DICER1: variants seen among roughly 807,000 people sequenced by gnomAD.
The protein encoded by DICER1 is dicer 1, ribonuclease III.
Under a neutral mutation model 194.1 loss-of-function variants are expected in DICER1, and 43 were observed. The ratio of observed to expected loss-of-function variants is 0.22; its 90% CI spans 0.17 to 0.29. DICER1 has a LOEUF of 0.29. DICER1 is among the 10% of genes least tolerant of loss of function. The probability of loss-of-function intolerance (pLI) is 1.00; values close to 1 mark genes in which losing one functional copy is unlikely to be tolerated. For missense variants in DICER1, 1,608 were observed against 2,317.0 expected, an observed-to-expected ratio of 0.69 and a Z score of 6.28; for synonymous variants, 832 against 820.5, an observed-to-expected ratio of 1.01 and a Z score of -0.24.
intron 1 of DICER1, among the ~76,000 whole-genome samples, chr14:95,149,673 C>T (rs182317033): frequency 5.9e-5 from 9 of 152,234 alleles, no homozygotes; most frequent in East Asian, 5.8e-4. Context: ...TTGATTTTCA[C>T]GTTACTGTAA....
At chr14:95,096,738 G>C in intron 22 of DICER1, 25 bp from the exon 23 acceptor site, 1 of 1,577,306 alleles carries the variant, frequency 6.3e-7, no homozygotes, top group Non-Finnish European at 8.6e-7. Context: ...AATGGGGAAG[G>C]AGGGGAAACA....
At chr14:95,090,712 T>C in intron 26 of DICER1, 49 bp from the exon 27 acceptor site, 1 of 1,602,424 alleles carries the variant, frequency 6.2e-7, no homozygotes, top group Non-Finnish European at 8.5e-7. Context: ...GTATTTATTA[T>C]CATTGTCAAT....
intron 8 of DICER1, among the ~76,000 whole-genome samples, chr14:95,122,394 G>A (rs1468725000): frequency 6.6e-6 from 1 of 152,034 alleles, no homozygotes; most frequent in Non-Finnish European, 1.5e-5. Context: ...TCCATAACTA[G>A]GCTTACAACT....
Position 95,157,235 on chromosome 14 carries a change from G to A in DICER1, c.-51C>T, listed in dbSNP as rs986194180. 1 of 150,974 alleles carries A rather than the reference G, an allele frequency of 6.6e-6. No homozygotes were observed. The highest frequency in any genetic ancestry group is 2.1e-4 in the South Asian group (1 of 4,848). The allele number at this position is 150,974 out of a possible 1,614,324, so 9.4% of individuals were successfully genotyped here. ...TCCGCGGGAGCCCGCCTCACCTGCA[G>A]CACGGGGCGCCGCGGGCCTTCGAGA... On this transcript the variant is annotated 5_prime_UTR_variant, in exon 1 of 27. Transcript: ENST00000343455.
chr14:95,150,933 A>C (rs1180499788), intron 1 of DICER1, among the ~76,000 whole-genome samples: 2 of 152,170 alleles, frequency 1.3e-5, no homozygotes, highest in Non-Finnish European at 2.9e-5. Flanking sequence ...GCACAATTAT[A>C]GCTCACTGCT....
chr14:95,110,795 T>C (rs1425393142), intron 14 of DICER1, among the ~76,000 whole-genome samples: 2 of 152,164 alleles, frequency 1.3e-5, no homozygotes, highest in African/African-American at 2.4e-5. Flanking sequence ...TGCCCACAGA[T>C]TGAGCTGGAA....
chr14:95,088,821 G>C lies in DICER1; in HGVS notation c.*1677C>G. The C allele has an allele frequency of 4.3e-6, 1 of 233,280 alleles. No individual in the cohort carries two copies. Among genetic ancestry groups the C allele is most frequent in the Admixed American group, 5.6e-5 (1 of 17,792 alleles). The allele number at this position is 233,280 out of a possible 1,614,324, so 14.5% of individuals were successfully genotyped here. The stretch of plus-strand genomic sequence containing the variant: ...GTGGGTGGATGATGCAGATAAAGCA[G>C]GAAGGACAGTATTCAAATGTCACTT... On this transcript the variant is annotated 3_prime_UTR_variant, in exon 27 of 27. Coordinates refer to ENST00000343455, the MANE Select transcript of DICER1 (RefSeq NM_177438.3).
intron 1 of DICER1, among the ~76,000 whole-genome samples, chr14:95,142,823 A>G (rs1894901428): frequency 6.6e-6 from 1 of 152,202 alleles, no homozygotes; most frequent in African/African-American, 2.4e-5. Flanking sequence ...CTTAATCCAC[A>G]TTAGCAACTA....
At position 95,103,061 on chromosome 14, in the gene DICER1, T is replaced by C. The variant is rs148015676; in HGVS notation, c.4050+285A>G. 1.1e-3 allele frequency among the ~76,000 whole-genome samples: 166 copies of C among 152,368 alleles called. 1 individual carries two copies. Among genetic ancestry groups the C allele is most frequent in the Non-Finnish European group, 1.2e-3 (81 of 68,028 alleles). On this transcript the variant is annotated intron_variant, in intron 21 of 26. Coordinates refer to ENST00000343455, the MANE Select transcript of DICER1 (RefSeq NM_177438.3). ...GGATCAAGGGGTGTACACACTTGCA[T>C]AGCTTCCTTTGAACTGACTTTCAAT...
chr14:95,099,839 G>A lies in DICER1; in HGVS notation c.4147C>T (p.Pro1383Ser), dbSNP rs1595353372. The stretch of plus-strand genomic sequence containing the variant: ...TTGTCTTGATTTACTACATAACCAG[G>A]AGGAAGCCAATTCACAGGGGGATCA... ...IFDPPVNWLP[P>S]GYVVNQDKSN... is the part of the protein sequence containing the mutation. The change falls in exon 22 of 27, where the codon CCT becomes TCT. Residue 1383 changes from proline (P) to serine (S), a missense_variant. Physicochemically the swap from Pro to Ser is moderately conservative, Grantham distance 74. This residue lies in a region of DICER1 where 58 missense variants were observed against 125.7 expected (regional missense o/e 0.46). Transcript: ENST00000343455. The A allele has an allele frequency of 6.2e-7, 1 of 1,613,750 alleles. No homozygotes were observed.
At position 95,096,657 on chromosome 14, in the gene DICER1, ATCC is replaced by A. The variant is rs544960260; in HGVS notation, c.4260_4262del (p.Glu1420del). 2,799 of 1,612,370 alleles carry A rather than the reference ATCC, an allele frequency of 1.7e-3. 4 individuals carry two copies. The highest frequency in any genetic ancestry group is 2.2e-3 in the Non-Finnish European group (2,562 of 1,179,248). ...TCCACATCAGGCTCTCCTCCTCCTC[ATCC>A]TCCTCCTCGTAATCCTCATCCAGTT... On this transcript the variant is annotated inframe_deletion, in exon 23 of 27. Transcript: ENST00000343455.
At chr14:95,097,145 T>G (rs535176806) in intron 22 of DICER1, among the ~76,000 whole-genome samples, 3 of 152,306 alleles carry the variant, frequency 2.0e-5, no homozygotes, top group African/African-American at 7.2e-5. Context: ...TCAAAAAGAT[T>G]TTCAAACTAA....
intron 11 of DICER1, among the ~76,000 whole-genome samples, chr14:95,114,020 G>A (rs1261590544): frequency 6.6e-6 from 1 of 152,198 alleles, no homozygotes; most frequent in Admixed American, 6.5e-5. Context: ...AACCTCTAGT[G>A]TCACACTGAA....
chr14:95,118,818 A>G (rs1307025306), intron 8 of DICER1, among the ~76,000 whole-genome samples: 1 of 152,060 alleles, frequency 6.6e-6, no homozygotes, highest in Non-Finnish European at 1.5e-5. Flanking sequence ...AAAAAAATAC[A>G]TGAAACAGAC....
intron 17 of DICER1, among the ~76,000 whole-genome samples, chr14:95,107,364 C>A (rs1891520052): frequency 6.6e-6 from 1 of 151,898 alleles, no homozygotes; most frequent in Non-Finnish European, 1.5e-5. Context: ...GATTGCCCTG[C>A]CTCAGCCTCC....
intron 1 of DICER1, among the ~76,000 whole-genome samples, chr14:95,134,057 T>C (rs955914939): frequency 7.9e-5 from 12 of 152,252 alleles, no homozygotes. Flanking sequence ...TGATAATGTA[T>C]GGAAGGCACT....
intron 14 of DICER1, among the ~76,000 whole-genome samples, chr14:95,110,138 C>A (rs986461487): frequency 1.3e-5 from 2 of 151,952 alleles, no homozygotes; most frequent in Admixed American, 1.3e-4. Flanking sequence ...TTTCTGATCA[C>A]AAAAACATCA....
chr14:95,127,158 C>T (rs1893546919), intron 6 of DICER1, among the ~76,000 whole-genome samples: 1 of 152,340 alleles, frequency 6.6e-6, no homozygotes, highest in East Asian at 1.9e-4. Context: ...CTAAACAAAA[C>T]TCAGGACTGC....
intron 26 of DICER1, 143 bp downstream of exon 26, chr14:95,090,891 C>T (rs925800899): frequency 3.0e-6 from 3 of 984,046 alleles, no homozygotes; most frequent in Non-Finnish European, 4.7e-6. Context: ...AAAGAGAAGT[C>T]AATCAGATTA....
Sources: allele counts gnomAD v4.1 joint callset (sites outside exome capture counted in the v4.1 genomes callset), GRCh38; gene constraint gnomAD v4.1.1; regional missense constraint gnomAD v4.1.1; transcripts MANE v1.5; gene names NCBI Gene and HGNC (gene_info 2026-07-23, HGNC 2026-07-21).